TNRC6C: variants seen among roughly 807,000 people sequenced by gnomAD.
The protein encoded by TNRC6C is trinucleotide repeat-containing gene 6C protein.
TNRC6C carries 20 observed loss-of-function variants against 153.7 expected under a neutral mutation model. That is an observed-to-expected ratio of 0.13 (90% confidence interval 0.09 to 0.19). The LOEUF (loss-of-function observed/expected upper bound fraction) is 0.19, where lower values mean the gene tolerates loss of function less well. TNRC6C is among the 10% of genes least tolerant of loss of function. The probability of loss-of-function intolerance (pLI) is 1.00; values close to 1 mark genes in which losing one functional copy is unlikely to be tolerated. For synonymous variants in TNRC6C, 811 were observed against 841.4 expected (o/e 0.96, Z 0.63); for missense variants, 1,987 against 2,172.0 (o/e 0.91, Z 1.69).
At chr17:78,027,742 C>T (rs1440736839) in intron 1 of TNRC6C, among the ~76,000 whole-genome samples, 1 of 152,180 alleles carries the variant, frequency 6.6e-6, no homozygotes, top group Non-Finnish European at 1.5e-5. Flanking sequence ...TGTGCACTGA[C>T]ATGGCATCAT....
Position 78,049,687 on chromosome 17 carries a change from G to T in TNRC6C, c.625G>T (p.Gly209Cys). 1 of 1,609,226 alleles carries T rather than the reference G, an allele frequency of 6.2e-7. No homozygotes were observed. The highest frequency in any genetic ancestry group is 8.5e-7 in the Non-Finnish European group (1 of 1,176,322). ...GCAGACAAATGGACTGCCAAACTGGGGCATGGCTGTTGGTATGGGGGCCAT... is the reference window on the plus strand; with the variant it reads ...GCAGACAAATGGACTGCCAAACTGGTGCATGGCTGTTGGTATGGGGGCCAT... The change falls in exon 3 of 20, where the codon GGC becomes TGC. Residue 209 changes from glycine (G) to cysteine (C), a missense_variant. By Grantham distance (159) the Gly-to-Cys change is radical. Transcript: ENST00000301624. This position sits in a 1 kb window ranked among gnomAD's most constrained non-coding sequence, Gnocchi z 4.1.
intron 1 of TNRC6C, among the ~76,000 whole-genome samples, chr17:78,016,488 A>G (rs2071731201): frequency 6.6e-6 from 1 of 152,200 alleles, no homozygotes; most frequent in South Asian, 2.1e-4. Context: ...TTGCTTTGTA[A>G]ACATTTAAAA....
intron 1 of TNRC6C, among the ~76,000 whole-genome samples, chr17:77,987,900 G>A (rs553604897): frequency 1.3e-5 from 2 of 152,144 alleles, no homozygotes; most frequent in African/African-American, 4.8e-5. Context: ...GGCTGGTCTC[G>A]AACTCCTGAC....
chr17:77,968,701 T>A (rs1473581462), intron 1 of TNRC6C, among the ~76,000 whole-genome samples: 1 of 152,232 alleles, frequency 6.6e-6, no homozygotes, highest in Non-Finnish European at 1.5e-5. Context: ...GATGGCAGAA[T>A]TTTGATTGGG....
At chr17:77,983,795 TG>T (rs1435720760) in intron 1 of TNRC6C, among the ~76,000 whole-genome samples, 1 of 152,210 alleles carries the variant, frequency 6.6e-6, no homozygotes, top group Admixed American at 6.6e-5. Flanking sequence ...ATATAATTAC[TG>T]GAAGTTAATT....
intron 1 of TNRC6C, among the ~76,000 whole-genome samples, chr17:77,960,378 C>T (rs116214469): frequency 0.012 from 1,810 of 152,256 alleles, 32 homozygotes; most frequent in African/African-American, 0.041. Flanking sequence ...TGACGTACTT[C>T]GGCCAGTACA....
intron 1 of TNRC6C, among the ~76,000 whole-genome samples, chr17:77,965,239 A>G (rs1317188062): frequency 1.3e-5 from 2 of 152,200 alleles, no homozygotes; most frequent in African/African-American, 2.4e-5. Context: ...AAGCCCTCAC[A>G]TATGGAAAAA....
chr17:78,006,417 A>G (rs1362536991), intron 1 of TNRC6C, among the ~76,000 whole-genome samples: 1 of 152,156 alleles, frequency 6.6e-6, no homozygotes, highest in African/African-American at 2.4e-5. Context: ...ATGAAAAACA[A>G]TGGTTTCTTA....
rs367656609 is a variant in TNRC6C at position 77,982,042 on chromosome 17, GAC to G, written c.-37-22124_-37-22123del. 4.8e-4 allele frequency among the ~76,000 whole-genome samples: 73 copies of G among 152,306 alleles called. 1 individual carries two copies. Among genetic ancestry groups the G allele is most frequent in the African/African-American group, 1.6e-3 (65 of 41,556 alleles). Reference sequence around the variant, plus strand: ...TGGAACCCTCACAAATGGGATTAGAGACACAGAGTTCTTGCTTCTTTCTGTCT... The same window carrying G: ...TGGAACCCTCACAAATGGGATTAGAGACAGAGTTCTTGCTTCTTTCTGTCT... On this transcript the variant is annotated intron_variant, in intron 1 of 22. Transcript: ENST00000636222.
Position 78,049,984 on chromosome 17 carries a change from A to C in TNRC6C, c.922A>C (p.Ile308Leu), listed in dbSNP as rs2072489069. Reference sequence around the variant, plus strand: ...TTCAGGACCTCCTGCTGGTCCTGGAATACTCGCCTGGGGAAGGGGCAGTGG... The same window carrying C: ...TTCAGGACCTCCTGCTGGTCCTGGACTACTCGCCTGGGGAAGGGGCAGTGG... The change falls in exon 3 of 20, where the codon ATA (isoleucine) becomes CTA (leucine). Residue 308 changes from isoleucine (I) to leucine (L), a missense_variant. By Grantham distance (5) the Ile-to-Leu change is conservative. Transcript: ENST00000301624. The surrounding 1 kb of genome is among the most constrained non-coding windows in gnomAD (Gnocchi z 4.1). 2 of 1,614,012 alleles carry C rather than the reference A, an allele frequency of 1.2e-6. No individual in the cohort carries two copies. Among genetic ancestry groups the C allele is most frequent in the Non-Finnish European group, 1.7e-6 (2 of 1,179,866 alleles).
chr17:78,004,103 A>C, upstream of TNRC6C: 1 of 1,230,212 alleles, frequency 8.1e-7, no homozygotes, highest in Non-Finnish European at 1.0e-6. Context: ...TGGAGCAGCT[A>C]GTGCTTTTTC....
chr17:78,069,619 G>A (rs895426185), intron 5 of TNRC6C, among the ~76,000 whole-genome samples: 2 of 152,098 alleles, frequency 1.3e-5, no homozygotes, highest in Non-Finnish European at 2.9e-5. Context: ...TTGTATTGCA[G>A]CATTTTTGTA....
At chr17:78,100,617 G>T (rs2073573425) in intron 17 of TNRC6C, among the ~76,000 whole-genome samples, 1 of 152,140 alleles carries the variant, frequency 6.6e-6, no homozygotes, top group South Asian at 2.1e-4. Context: ...AGGCCTCTGG[G>T]CCTGTGATGG....
chr17:78,083,816 T>G, intron 11 of TNRC6C, among the ~76,000 whole-genome samples: 1 of 152,072 alleles, frequency 6.6e-6, no homozygotes, highest in East Asian at 1.9e-4. Context: ...TAATCTTGAT[T>G]TTTTTTTAAT....
chr17:78,075,531 T>C lies in TNRC6C; in HGVS notation c.3060+253T>C. On this transcript the variant is annotated intron_variant, in intron 8 of 19. Transcript: ENST00000301624. The surrounding 1 kb of genome is among the most constrained non-coding windows in gnomAD (Gnocchi z 4.2). ...ATATTTATTGTGTGAACTTGGCTGG[T>C]TATCTGCTTCAATTTGTCCAATGGG... 1 of 514,140 alleles carries C rather than the reference T, an allele frequency of 1.9e-6. No homozygotes were observed. Among genetic ancestry groups the C allele is most frequent in the South Asian group, 2.8e-5 (1 of 35,102 alleles). 31.8% of individuals were successfully genotyped at this position (514,140 alleles called of 1,614,324 possible). A position where few individuals can be genotyped will look rare whatever the true frequency, so the allele number is the denominator to read the frequency against.
At chr17:77,978,036 C>G (rs376339159) in intron 1 of TNRC6C, among the ~76,000 whole-genome samples, 3 of 151,930 alleles carry the variant, frequency 2.0e-5, no homozygotes, top group African/African-American at 7.2e-5. Context: ...GCTGGGACTA[C>G]AGGCGCCCGC....
exon 20 of TNRC6C, chr17:78,106,586 CAAAG>C (rs1205455944): frequency 1.5e-5 from 2 of 129,738 alleles, no homozygotes; most frequent in South Asian, 5.0e-4. Flanking sequence ...AAAAAAAACA[CAAAG>C]AAGAAAAATA....
intron 1 of TNRC6C, among the ~76,000 whole-genome samples, chr17:77,998,484 A>G (rs1006894758): frequency 2.0e-5 from 3 of 152,034 alleles, no homozygotes; most frequent in African/African-American, 7.2e-5. Context: ...GTCTTTTAGT[A>G]TTATCCTTCA....
Position 78,031,856 on chromosome 17 carries a change from A to G in TNRC6C, c.-219+14A>G. 1 of 1,232,134 alleles carries G rather than the reference A, an allele frequency of 8.1e-7. No individual in the cohort carries two copies. Among genetic ancestry groups the G allele is most frequent in the Non-Finnish European group, 1.0e-6 (1 of 987,958 alleles). The allele number at this position is 1,232,134 out of a possible 1,614,324, so 76.3% of individuals were successfully genotyped here. A position where few individuals can be genotyped will look rare whatever the true frequency, so the allele number is the denominator to read the frequency against. On this transcript the variant is annotated intron_variant, in intron 2 of 19. Coordinates refer to ENST00000301624, the Ensembl canonical transcript of TNRC6C. Reference sequence around the variant, plus strand: ...AGCTCCAACCAGGTAAAAACCACATAGGATGAGACATTGTTTTGATCTGAA... The same window carrying G: ...AGCTCCAACCAGGTAAAAACCACATGGGATGAGACATTGTTTTGATCTGAA...
Sources: gnomAD v4.1 joint callset for allele counts (sites outside exome capture counted in the v4.1 genomes callset) on GRCh38, gnomAD v4.1.1 for gene constraint, Gnocchi (gnomAD v3.1) non-coding constraint, MANE v1.5 for transcripts, NCBI Gene and HGNC (gene_info 2026-07-23, HGNC 2026-07-21) for gene names.